ABCG1: variants seen among roughly 807,000 people sequenced by gnomAD.
The protein encoded by ABCG1 is ATP binding cassette subfamily G member 1.
ABCG1 carries 29 observed loss-of-function variants against 69.2 expected under a neutral mutation model. The observed-to-expected ratio is 0.42, with a 90% CI of 0.31 to 0.57. ABCG1 has a LOEUF of 0.57. ABCG1 is among the 20% of genes least tolerant of loss of function. The probability of loss-of-function intolerance (pLI) is 0.15; values close to 1 mark genes in which losing one functional copy is unlikely to be tolerated. For synonymous variants in ABCG1, 370 were observed against 374.8 expected (o/e 0.99, Z 0.15); for missense variants, 718 against 898.1 (o/e 0.80, Z 2.56).
At chr21:42,281,593 G>T (rs1439989899) in intron 5 of ABCG1, among the ~76,000 whole-genome samples, 1 of 152,182 alleles carries the variant, frequency 6.6e-6, no homozygotes, top group Admixed American at 6.5e-5. Flanking sequence ...GAGGGGTACT[G>T]CAGATCTGTT....
intron 2 of ABCG1, among the ~76,000 whole-genome samples, chr21:42,241,784 C>T (rs986089593): frequency 1.3e-5 from 2 of 148,402 alleles, no homozygotes; most frequent in African/African-American, 5.0e-5. Flanking sequence ...AGCAGGAGGT[C>T]GAGACCAGCC....
Position 42,288,366 on chromosome 21 carries a change from C to G in ABCG1, c.1224+54C>G. 1 of 1,322,014 alleles carries G rather than the reference C, an allele frequency of 7.6e-7. No individual in the cohort carries two copies. Among genetic ancestry groups the G allele is most frequent in the Non-Finnish European group, 1.1e-6 (1 of 920,170 alleles). 81.9% of individuals were successfully genotyped at this position (1,322,014 alleles called of 1,614,324 possible). ...CTGGGGAACCCGTGGGTCATTTTCT[C>G]AGACTCGTCCTGACGGAATGTGTTC... On this transcript the variant is annotated intron_variant, in intron 10 of 14. Coordinates refer to ENST00000398449, the MANE Select transcript of ABCG1 (RefSeq NM_016818.3). This position sits in a 1 kb window ranked among gnomAD's most constrained non-coding sequence, Gnocchi z 4.8.
chr21:42,227,344 A>G (rs552946121), intron 2 of ABCG1, among the ~76,000 whole-genome samples: 84 of 152,344 alleles, frequency 5.5e-4, no homozygotes, highest in Non-Finnish European at 6.5e-4. Flanking sequence ...ACTTAAAGAA[A>G]TATTTTATAG....
chr21:42,230,834 T>C (rs953655408), intron 2 of ABCG1, among the ~76,000 whole-genome samples: 2 of 152,218 alleles, frequency 1.3e-5, no homozygotes, highest in African/African-American at 2.4e-5. Flanking sequence ...TCAGGAAGGA[T>C]CTGCACATTC....
intron 2 of ABCG1, chr21:42,259,621 C>T: frequency 2.1e-6 from 3 of 1,439,130 alleles, no homozygotes; most frequent in Non-Finnish European, 2.7e-6. Context: ...CTAACTGTCA[C>T]TCATTTGATA....
intron 13 of ABCG1, among the ~76,000 whole-genome samples, chr21:42,294,289 C>T (rs1444588579): frequency 6.6e-6 from 1 of 152,222 alleles, no homozygotes; most frequent in Non-Finnish European, 1.5e-5. Context: ...GGGACATCCA[C>T]TGGGTCCCAG....
chr21:42,264,057 A>C (rs546010756), intron 2 of ABCG1, among the ~76,000 whole-genome samples: 1 of 152,318 alleles, frequency 6.6e-6, no homozygotes, highest in Admixed American at 6.5e-5. Flanking sequence ...CAGGGCCTCC[A>C]GGGCAGTGAC....
At chr21:42,281,542 G>A (rs898904755) in intron 5 of ABCG1, among the ~76,000 whole-genome samples, 1 of 152,244 alleles carries the variant, frequency 6.6e-6, no homozygotes, top group African/African-American at 2.4e-5. Context: ...GCTTCCCAGA[G>A]CCTGTGCCGT....
At chr21:42,290,309 T>A in intron 11 of ABCG1, 91 bp downstream of exon 11, 2 of 1,393,980 alleles carry the variant, frequency 1.4e-6, no homozygotes, top group Non-Finnish European at 2.0e-6. Context: ...AACAGATGAG[T>A]TTTCTAAACA....
intron 2 of ABCG1, among the ~76,000 whole-genome samples, chr21:42,263,770 C>T (rs530872584): frequency 7.9e-5 from 12 of 152,286 alleles, no homozygotes; most frequent in African/African-American, 2.2e-4. Context: ...AGGGGCCAGG[C>T]GGCTGGGCCT....
At chr21:42,283,528 G>A (rs926100826) in intron 6 of ABCG1, among the ~76,000 whole-genome samples, 13 of 152,298 alleles carry the variant, frequency 8.5e-5, no homozygotes, top group African/African-American at 2.4e-4. Context: ...CTGCAGCAAG[G>A]CCACCTTCTA....
At chr21:42,252,136 A>G (rs2123651800) in intron 2 of ABCG1, among the ~76,000 whole-genome samples, 1 of 152,318 alleles carries the variant, frequency 6.6e-6, no homozygotes, top group African/African-American at 2.4e-5. Flanking sequence ...CATCTGTGCC[A>G]TTGCCCGGAC....
chr21:42,288,370 C>A lies in ABCG1; in HGVS notation c.1224+58C>A. ...GGAACCCGTGGGTCATTTTCTCAGA[C>A]TCGTCCTGACGGAATGTGTTCGTTC... On this transcript the variant is annotated intron_variant, in intron 10 of 14. Coordinates refer to ENST00000398449, the MANE Select transcript of ABCG1 (RefSeq NM_016818.3). This position sits in a 1 kb window ranked among gnomAD's most constrained non-coding sequence, Gnocchi z 4.8. The A allele has an allele frequency of 2.4e-6, 3 of 1,274,482 alleles. No homozygotes were observed. The highest frequency in any genetic ancestry group is 3.4e-6 in the Non-Finnish European group (3 of 879,968). 78.9% of individuals were successfully genotyped at this position (1,274,482 alleles called of 1,614,324 possible).
chr21:42,221,745 C>T (rs984848535), intron 1 of ABCG1, among the ~76,000 whole-genome samples: 4 of 152,180 alleles, frequency 2.6e-5, no homozygotes, highest in Admixed American at 2.0e-4. Flanking sequence ...CAGACAGCTG[C>T]GTGCTAACTG....
At position 42,202,673 on chromosome 21, in the gene ABCG1, G is replaced by A. The variant is rs145467705; in HGVS notation, c.48+950G>A. Among the ~76,000 whole-genome samples the A allele has an allele frequency of 8.2e-3, 1,246 of 151,770 alleles. 24 individuals are homozygous for A. Among genetic ancestry groups the A allele is most frequent in the African/African-American group, 0.029 (1,178 of 41,324 alleles). On this transcript the variant is annotated intron_variant, in intron 2 of 15. Transcript: ENST00000398457. The stretch of plus-strand genomic sequence containing the variant: ...GTCACCCAGGCTGAAGTACAGGGGC[G>A]CGATCACAGCTCACTGCAACCTCTG...
chr21:42,253,557 C>T lies in ABCG1; in HGVS notation c.287-17513C>T, dbSNP rs79557560. 4.9e-3 allele frequency among the ~76,000 whole-genome samples: 741 copies of T among 152,302 alleles called. 10 individuals carry two copies. Among genetic ancestry groups the T allele is most frequent in the African/African-American group, 0.017 (690 of 41,570 alleles). ...CATTGGACCCCCAGGCAAGCAGCCC[C>T]TCCTAGAGAGCGAGGGTCTTGGAAG... On this transcript the variant is annotated intron_variant, in intron 2 of 14. Coordinates refer to ENST00000398449, the MANE Select transcript of ABCG1 (RefSeq NM_016818.3).
chr21:42,284,618 G>T lies in ABCG1; in HGVS notation c.793G>T (p.Gly265Trp), dbSNP rs780777711. 6 of 1,613,840 alleles carry T rather than the reference G, an allele frequency of 3.7e-6. No homozygotes were observed. Among genetic ancestry groups the T allele is most frequent in the Non-Finnish European group, 4.2e-6 (5 of 1,180,026 alleles). ...VVSLMKGLAQGGRSIICTIHQ... is the reference protein window; with the variant it reads ...VVSLMKGLAQWGRSIICTIHQ... ...CTCGCTGATGAAAGGGCTCGCTCAA[G>T]GGGGTCGCTCCATCATTTGCACCAT... Residue 265 changes from glycine to tryptophan, a missense_variant, in exon 7 of 15, where the codon GGG becomes TGG. Physicochemically the swap from Gly to Trp is radical, Grantham distance 184. Transcript: ENST00000398449.
rs1054035254 is a variant in ABCG1 at position 42,288,355 on chromosome 21, G to A, written c.1224+43G>A. The A allele has an allele frequency of 4.8e-6, 7 of 1,470,446 alleles. No individual in the cohort carries two copies. The highest frequency in any genetic ancestry group is 3.4e-5 in the Admixed American group (2 of 58,826). The allele number at this position is 1,470,446 out of a possible 1,614,324, so 91.1% of individuals were successfully genotyped here. ...TTCTCCTGTAGCTGGGGAACCCGTG[G>A]GTCATTTTCTCAGACTCGTCCTGAC... On this transcript the variant is annotated intron_variant, in intron 10 of 14. Coordinates refer to ENST00000398449, the MANE Select transcript of ABCG1 (RefSeq NM_016818.3). This position sits in a 1 kb window ranked among gnomAD's most constrained non-coding sequence, Gnocchi z 4.8.
rs1196665616 is a variant in ABCG1 at position 42,233,091 on chromosome 21, G to A, written c.286+7177G>A. On this transcript the variant is annotated intron_variant, in intron 2 of 14. Transcript: ENST00000398449. Reference sequence around the variant, plus strand: ...GTTTTTGCTCACATTGTGAAAAAACGCAAAAAGATGGGTTTTCAGTCATGA... The same window carrying A: ...GTTTTTGCTCACATTGTGAAAAAACACAAAAAGATGGGTTTTCAGTCATGA... Among the ~76,000 whole-genome samples the A allele has an allele frequency of 2.0e-5, 3 of 152,134 alleles. No homozygotes were observed. In the East Asian group the frequency reaches 5.8e-4, roughly 29 times the overall value.
Sources: allele counts gnomAD v4.1 joint callset (sites outside exome capture counted in the v4.1 genomes callset), GRCh38; gene constraint gnomAD v4.1.1; non-coding constraint Gnocchi (gnomAD v3.1); transcripts MANE v1.5; gene names NCBI Gene and HGNC (gene_info 2026-07-23, HGNC 2026-07-21).